ZFPM2: variants seen among roughly 807,000 people sequenced by gnomAD.
ZFPM2 encodes the protein zinc finger protein, FOG family member 2.
A neutral mutation model predicts 98.6 loss-of-function variants in ZFPM2; 20 were observed. The ratio of observed to expected loss-of-function variants is 0.20; its 90% CI spans 0.14 to 0.29. The LOEUF (loss-of-function observed/expected upper bound fraction) is 0.29. ZFPM2 is among the 10% of genes least tolerant of loss of function. The probability of loss-of-function intolerance (pLI) is 1.00; values close to 1 mark genes in which losing one functional copy is unlikely to be tolerated. For synonymous variants in ZFPM2, 518 were observed against 502.7 expected, an observed-to-expected ratio of 1.03 and a Z score of -0.41; for missense variants, 1,310 against 1,388.6, an observed-to-expected ratio of 0.94 and a Z score of 0.90.
At chr8:105,715,768 T>A (rs1277504412) in intron 5 of ZFPM2, among the ~76,000 whole-genome samples, 1 of 151,966 alleles carries the variant, frequency 6.6e-6, no homozygotes, top group Non-Finnish European at 1.5e-5. Context: ...TAAATAGTGG[T>A]TCTCAGAAAA....
At chr8:105,370,919 C>T (rs1378142627) in intron 1 of ZFPM2, among the ~76,000 whole-genome samples, 1 of 152,184 alleles carries the variant, frequency 6.6e-6, no homozygotes, top group Non-Finnish European at 1.5e-5. Context: ...TGTGTACACA[C>T]AGCAGCAGTT....
intron 5 of ZFPM2, among the ~76,000 whole-genome samples, chr8:105,681,879 C>T (rs1047075574): frequency 4.6e-5 from 7 of 151,986 alleles, no homozygotes; most frequent in African/African-American, 1.7e-4. Flanking sequence ...TTAGTGTCTG[C>T]CTTCCCCAGT....
chr8:105,439,028 T>TA (rs1812184081), intron 2 of ZFPM2, among the ~76,000 whole-genome samples: 1 of 152,112 alleles, frequency 6.6e-6, no homozygotes, highest in African/African-American at 2.4e-5. Context: ...CTGTTTTTTT[T>TA]ATTTTTCATA....
intron 5 of ZFPM2, among the ~76,000 whole-genome samples, chr8:105,767,442 A>G (rs1586249065): frequency 6.6e-6 from 1 of 151,978 alleles, no homozygotes; most frequent in East Asian, 1.9e-4. Context: ...TAATTACATT[A>G]CACTGGTATC....
At chr8:105,463,306 C>T (rs1812736782) in intron 3 of ZFPM2, among the ~76,000 whole-genome samples, 1 of 151,176 alleles carries the variant, frequency 6.6e-6, no homozygotes, top group African/African-American at 2.4e-5. Context: ...TATATATATA[C>T]ACATATATAC....
intron 1 of ZFPM2, among the ~76,000 whole-genome samples, chr8:105,322,060 T>C (rs1812035632): frequency 6.6e-6 from 1 of 152,114 alleles, no homozygotes; most frequent in African/African-American, 2.4e-5. Flanking sequence ...CTTTCTCTCA[T>C]AAGCTATTAT....
chr8:105,780,438 CTAAATA>C (rs1563560321), intron 5 of ZFPM2: 2 of 152,252 alleles, frequency 1.3e-5, no homozygotes, highest in East Asian at 3.9e-4. Flanking sequence ...CATTGTAAAA[CTAAATA>C]TAATCAACAA....
At chr8:105,465,095 T>C (rs1406397167) in intron 3 of ZFPM2, among the ~76,000 whole-genome samples, 3 of 151,802 alleles carry the variant, frequency 2.0e-5, no homozygotes, top group Admixed American at 6.6e-5. Context: ...TCACTTTCAC[T>C]GAGTATACCA....
At chr8:105,730,524 C>T (rs995961547) in intron 5 of ZFPM2, among the ~76,000 whole-genome samples, 1 of 151,706 alleles carries the variant, frequency 6.6e-6, no homozygotes, top group African/African-American at 2.4e-5. Context: ...CTCTTTGCTC[C>T]AGCGAGGGAT....
chr8:105,578,710 T>C (rs149937393), intron 4 of ZFPM2, among the ~76,000 whole-genome samples: 78 of 152,292 alleles, frequency 5.1e-4, no homozygotes, highest in African/African-American at 1.9e-3. Flanking sequence ...CTTTGATCAC[T>C]GGAATATGTG....
chr8:105,748,950 T>C (rs1478307957), intron 5 of ZFPM2, among the ~76,000 whole-genome samples: 4 of 152,056 alleles, frequency 2.6e-5, no homozygotes, highest in African/African-American at 4.8e-5. Flanking sequence ...CTTGGGAAAT[T>C]GAAAGTCACA....
chr8:105,580,728 G>A (rs1212806532), intron 4 of ZFPM2, among the ~76,000 whole-genome samples: 5 of 150,606 alleles, frequency 3.3e-5, no homozygotes, highest in African/African-American at 1.2e-4. Flanking sequence ...ATATAGTTTG[G>A]CCCTTTTCTC....
chr8:105,517,720 C>CAT (rs1401624268), intron 3 of ZFPM2, among the ~76,000 whole-genome samples: 1 of 150,606 alleles, frequency 6.6e-6, no homozygotes, highest in Non-Finnish European at 1.5e-5. Context: ...CACACACACA[C>CAT]ACACACACAC....
At chr8:105,774,510 CA>C (rs1563557814) in intron 5 of ZFPM2, among the ~76,000 whole-genome samples, 1 of 151,876 alleles carries the variant, frequency 6.6e-6, no homozygotes, top group African/African-American at 2.4e-5. Context: ...AATAACTTGA[CA>C]AAAGGAACAT....
intron 5 of ZFPM2, among the ~76,000 whole-genome samples, chr8:105,646,555 A>G (rs1442753119): frequency 6.6e-6 from 1 of 152,030 alleles, no homozygotes; most frequent in Non-Finnish European, 1.5e-5. Flanking sequence ...TTCATTTTTT[A>G]TTTCTCAATA....
chr8:105,591,097 A>G (rs1815832831), intron 4 of ZFPM2, among the ~76,000 whole-genome samples: 1 of 152,172 alleles, frequency 6.6e-6, no homozygotes, highest in Admixed American at 6.6e-5. Flanking sequence ...GCCTTAGCTT[A>G]ATATTCACAG....
At chr8:105,755,103 G>A (rs1401118259) in intron 5 of ZFPM2, among the ~76,000 whole-genome samples, 1 of 152,072 alleles carries the variant, frequency 6.6e-6, no homozygotes, top group South Asian at 2.1e-4. Context: ...TGGCAAAATA[G>A]GGAAAACCTT....
At chr8:105,728,385 C>G (rs1354026130) in intron 5 of ZFPM2, among the ~76,000 whole-genome samples, 1 of 151,782 alleles carries the variant, frequency 6.6e-6, no homozygotes, top group Non-Finnish European at 1.5e-5. Context: ...AAAGTTAGCT[C>G]TAGCACTATT....
At chr8:105,336,971 C>T (rs1279099153) in intron 1 of ZFPM2, among the ~76,000 whole-genome samples, 6 of 151,694 alleles carry the variant, frequency 4.0e-5, no homozygotes, top group East Asian at 1.9e-4. Context: ...TTTTTCCAGA[C>T]GGTTCTGGAG....
Sources: allele counts gnomAD v4.1 joint callset (sites outside exome capture counted in the v4.1 genomes callset), GRCh38; gene constraint gnomAD v4.1.1; transcripts MANE v1.5; gene names NCBI Gene and HGNC (gene_info 2026-07-23, HGNC 2026-07-21).